Variants in BBX observed in about 807,000 individuals in gnomAD.
The protein encoded by BBX is HMG box transcription factor BBX.
In BBX, 30 loss-of-function variants were observed where a neutral mutation model predicts 100.2. The observed-to-expected ratio is 0.30, with a 90% CI of 0.22 to 0.41. The LOEUF is 0.41. Ranked by LOEUF, BBX falls within the 10% of genes least tolerant of loss-of-function variation. BBX has a pLI of 1.00. For synonymous variants in BBX, 376 were observed against 388.1 expected (o/e 0.97, Z 0.37); for missense variants, 1,023 against 1,129.8 (o/e 0.91, Z 1.35).
intron 2 of BBX, among the ~76,000 whole-genome samples, chr3:107,540,838 T>C (rs970198640): frequency 3.9e-5 from 6 of 152,218 alleles, no homozygotes; most frequent in African/African-American, 7.2e-5. Context: ...TGAATTTATT[T>C]ATAAATACAT....
intron 3 of BBX, among the ~76,000 whole-genome samples, chr3:107,691,674 T>C (rs2060177783): frequency 6.6e-6 from 1 of 152,226 alleles, no homozygotes; most frequent in African/African-American, 2.4e-5. Flanking sequence ...TGCAGGCTGA[T>C]ATAAGATGAT....
chr3:107,651,297 A>T (rs940572342), intron 3 of BBX, among the ~76,000 whole-genome samples: 4 of 152,336 alleles, frequency 2.6e-5, no homozygotes, highest in African/African-American at 9.6e-5. Context: ...AATATCTTTG[A>T]TACTTTTGAG....
In BBX at chr3:107,798,693, C is replaced by G. The variant is rs376586358; in HGVS notation, c.2524C>G (p.Arg842Gly). Residue 842 changes from arginine (R) to glycine (G), a missense_variant, in exon 16 of 18, where the codon CGG becomes GGG. By Grantham distance (125) the Arg-to-Gly change is moderately radical (BLOSUM62 -2). Coordinates refer to ENST00000325805, the MANE Select transcript of BBX (RefSeq NM_001142568.3). The part of the protein sequence containing the change: ...ITHLVRTADG[R>G]VSPAGGTLDD... Reference sequence around the variant, plus strand: ...ACACCTTGTCAGGACAGCAGATGGCCGGGTATCACCAGCAGGAGGTACTTT... The same window carrying G: ...ACACCTTGTCAGGACAGCAGATGGCGGGGTATCACCAGCAGGAGGTACTTT... 1.2e-5 allele frequency: 19 copies of G among 1,613,774 alleles called. No homozygotes were observed. In the Middle Eastern group the frequency reaches 8.2e-4, roughly 70 times the overall value.
intron 2 of BBX, among the ~76,000 whole-genome samples, chr3:107,606,181 C>T (rs1339927253): frequency 6.6e-6 from 1 of 152,140 alleles, no homozygotes; most frequent in East Asian, 1.9e-4. Context: ...CCCAAATGTT[C>T]ACATCTTTGT....
At position 107,773,486 on chromosome 3, in the gene BBX, T is replaced by A. The variant is rs1343033400; in HGVS notation, c.1765T>A (p.Ser589Thr). The change falls in exon 11 of 18, where the codon TCA becomes ACA. Residue 589 changes from serine to threonine, a missense_variant. By Grantham distance (58) the Ser-to-Thr change is moderately conservative. Transcript: ENST00000325805. The surrounding 1 kb of genome is among the most constrained non-coding windows in gnomAD (Gnocchi z 4.1). ...PMEDALPPSL[S>T]GQAKPEDSDC... The stretch of plus-strand genomic sequence containing the variant: ...GGAAGATGCACTACCACCCAGCCTA[T>A]CAGGACAGGCCAAGCCTGAGGACAG... The A allele has an allele frequency of 6.2e-7, 1 of 1,614,014 alleles. No individual in the cohort carries two copies. Among genetic ancestry groups the A allele is most frequent in the East Asian group, 2.2e-5 (1 of 44,868 alleles).
At chr3:107,756,955 AG>A (rs1002845140) in intron 10 of BBX, among the ~76,000 whole-genome samples, 6 of 152,210 alleles carry the variant, frequency 3.9e-5, no homozygotes, top group African/African-American at 1.4e-4. Context: ...ACAGACTGTG[AG>A]GTCATGCATT....
chr3:107,607,596 A>T (rs1325664634), intron 2 of BBX, among the ~76,000 whole-genome samples: 2 of 152,116 alleles, frequency 1.3e-5, no homozygotes, highest in African/African-American at 2.4e-5. Flanking sequence ...TTGCTAGATT[A>T]TGTGGTAGCT....
At chr3:107,782,885 G>T (rs1191302185) in intron 13 of BBX, among the ~76,000 whole-genome samples, 1 of 151,994 alleles carries the variant, frequency 6.6e-6, no homozygotes, top group Non-Finnish European at 1.5e-5. Context: ...AAGAAATTTG[G>T]TAGGGAAAGA....
At position 107,805,698 on chromosome 3, in the gene BBX, G is replaced by A; in HGVS notation, c.*241G>A. On this transcript the variant is annotated 3_prime_UTR_variant, in exon 18 of 18. Transcript: ENST00000325805. ...TACTGAGCAGAAACAGAATGATCCT[G>A]GAGCTTTGCTTTCTATTGAAGGCTT... is the stretch of plus-strand genomic sequence containing the variant. The A allele has an allele frequency of 1.6e-6, 1 of 640,028 alleles. No homozygotes were observed. The highest frequency in any genetic ancestry group is 2.4e-6 in the Non-Finnish European group (1 of 410,792). 39.6% of individuals were successfully genotyped at this position (640,028 alleles called of 1,614,324 possible). A position where few individuals can be genotyped will look rare whatever the true frequency, so the allele number is the denominator to read the frequency against.
intron 3 of BBX, among the ~76,000 whole-genome samples, chr3:107,647,717 A>G (rs989576005): frequency 4.1e-4 from 63 of 152,316 alleles, no homozygotes; most frequent in African/African-American, 1.5e-3. Flanking sequence ...AGTCAATTAC[A>G]TTTCAGTATC....
chr3:107,790,389 G>A lies in BBX; in HGVS notation c.2293+513G>A, dbSNP rs186363763. The stretch of plus-strand genomic sequence containing the variant: ...TGTGTCTCTTCTTCCACCCCCCCTC[G>A]TTTGCCAGGCTCTTGTTCCGACCTC... On this transcript the variant is annotated intron_variant, in intron 14 of 17. Transcript: ENST00000325805. 3.1e-4 allele frequency among the ~76,000 whole-genome samples: 47 copies of A among 151,914 alleles called. No individual in the cohort carries two copies. In the East Asian group the frequency reaches 7.7e-3, roughly 25 times the overall value.
At chr3:107,716,570 T>C in intron 4 of BBX, 37 bp from the exon 5 acceptor site, 1 of 1,594,388 alleles carries the variant, frequency 6.3e-7, no homozygotes, top group Non-Finnish European at 8.6e-7. Flanking sequence ...TTATCCAAAA[T>C]ATGTTAAAGA....
rs2054064829 is a variant in BBX, at chr3:107,601,497, CTT to C, written c.-83-44337_-83-44336del. On this transcript the variant is annotated intron_variant, in intron 2 of 17. Coordinates refer to ENST00000325805, the MANE Select transcript of BBX (RefSeq NM_001142568.3). Reference sequence around the variant, plus strand: ...ACACAATGATAAGAAAGCAAAACAACTTTGTTGTTGATACGGAGAAAGTTTGG... The same window carrying C: ...ACACAATGATAAGAAAGCAAAACAACTGTTGTTGATACGGAGAAAGTTTGG... Among the ~76,000 whole-genome samples, 4 of 152,166 alleles carry C rather than the reference CTT, an allele frequency of 2.6e-5. No homozygotes were observed. The South Asian group carries it at 8.3e-4, about 32-fold the overall frequency.
chr3:107,775,207 A>G (rs1054089692), intron 12 of BBX, among the ~76,000 whole-genome samples: 1 of 152,178 alleles, frequency 6.6e-6, no homozygotes, highest in Non-Finnish European at 1.5e-5. Flanking sequence ...CCCATTTTAC[A>G]TACTATATGT....
At chr3:107,581,158 C>A (rs1013900562) in intron 2 of BBX, among the ~76,000 whole-genome samples, 1 of 151,964 alleles carries the variant, frequency 6.6e-6, no homozygotes, top group Non-Finnish European at 1.5e-5. Context: ...TTTTTCATAT[C>A]CAAGCTGATG....
At chr3:107,752,142 T>G (rs1326264445) in intron 9 of BBX, among the ~76,000 whole-genome samples, 1 of 152,186 alleles carries the variant, frequency 6.6e-6, no homozygotes, top group African/African-American at 2.4e-5. Context: ...ATCTGGGTGA[T>G]TTAGATAGAT....
rs1054457600 is a variant in BBX, at chr3:107,741,769, T to G, written c.670-2861T>G. On this transcript the variant is annotated intron_variant, in intron 7 of 17. Transcript: ENST00000325805. Reference sequence around the variant, plus strand: ...CATCACAATGATATGGCACAATATTTTAAACATTTCACAACATCTAGAACC... The same window carrying G: ...CATCACAATGATATGGCACAATATTGTAAACATTTCACAACATCTAGAACC... Among the ~76,000 whole-genome samples the G allele has an allele frequency of 8.5e-5, 13 of 152,324 alleles. No homozygotes were observed. In the South Asian group the frequency reaches 1.9e-3, roughly 22 times the overall value.
chr3:107,737,894 T>TTTTTTTG (rs2063759295), intron 7 of BBX, among the ~76,000 whole-genome samples: 1 of 131,312 alleles, frequency 7.6e-6, no homozygotes, highest in Non-Finnish European at 1.7e-5. Flanking sequence ...GTTTTTTTTT[T>TTTTTTTG]TTTTTTTTTT....
intron 3 of BBX, among the ~76,000 whole-genome samples, chr3:107,668,488 G>A (rs1307172081): frequency 6.6e-6 from 1 of 152,066 alleles, no homozygotes; most frequent in African/African-American, 2.4e-5. Context: ...CTATGAGCCC[G>A]GAGCTGCTCA....
Sources: gnomAD v4.1 joint callset for allele counts (sites outside exome capture counted in the v4.1 genomes callset) on GRCh38, gnomAD v4.1.1 for gene constraint, Gnocchi (gnomAD v3.1) non-coding constraint, MANE v1.5 for transcripts, NCBI Gene and HGNC (gene_info 2026-07-23, HGNC 2026-07-21) for gene names.